SYNE1: variants seen among roughly 807,000 people sequenced by gnomAD.
SYNE1 encodes the protein nesprin-1.
Under a neutral mutation model 1,111.0 loss-of-function variants are expected in SYNE1, and 616 were observed. The observed-to-expected ratio is 0.55, with a 90% confidence interval of 0.52 to 0.59. The LOEUF (loss-of-function observed/expected upper bound fraction) is 0.59, where lower values mean the gene tolerates loss of function less well. Among genes scored for constraint, SYNE1 ranks in the 20% least tolerant of loss-of-function variants. The pLI is 0.00. For synonymous variants in SYNE1, 3,855 were observed against 3,825.8 expected (o/e 1.01, Z -0.28); for missense variants, 10,006 against 10,417.0 (o/e 0.96, Z 1.72).
rs201610447 is a variant in SYNE1 at position 152,206,376 on chromosome 6, T to C, written c.22825-14A>G. On this transcript the variant is annotated splice_polypyrimidine_tract_variant and intron_variant, in intron 125 of 145. Transcript: ENST00000367255. Reference sequence around the variant, plus strand: ...TTTTTCTTTGAACTGAAAGGAACCATAGCTTTTTATTTTCTCATTCTTTCT... The same window carrying C: ...TTTTTCTTTGAACTGAAAGGAACCACAGCTTTTTATTTTCTCATTCTTTCT... 32 of 1,613,088 alleles carry C rather than the reference T, an allele frequency of 2.0e-5. No homozygotes were observed. Among genetic ancestry groups the C allele is most frequent in the Non-Finnish European group, 2.5e-5 (29 of 1,179,794 alleles).
intron 42 of SYNE1, chr6:152,410,254 G>A (rs1397175018): frequency 6.5e-6 from 1 of 153,518 alleles, no homozygotes; most frequent in Non-Finnish European, 1.4e-5. Context: ...GAAGATAGCT[G>A]TTGTTTATAA....
At chr6:152,603,847 A>G (rs2099602453) in intron 3 of SYNE1, among the ~76,000 whole-genome samples, 1 of 94,516 alleles carries the variant, frequency 1.1e-5, no homozygotes, top group South Asian at 3.1e-4. Flanking sequence ...CTATCTATAC[A>G]TATATGTATA....
intron 101 of SYNE1, among the ~76,000 whole-genome samples, chr6:152,260,145 A>AAGCACAGAATCTAGAAATAT (rs2091747829): frequency 6.6e-6 from 1 of 152,224 alleles, no homozygotes; most frequent in South Asian, 2.1e-4. Context: ...AATAATACGC[A>AAGCACAGAATCTAGAAATAT]AGCACAGAAT....
At chr6:152,183,896 T>C (rs1176351856) in intron 128 of SYNE1, among the ~76,000 whole-genome samples, 1 of 152,168 alleles carries the variant, frequency 6.6e-6, no homozygotes, top group Admixed American at 6.5e-5. Context: ...GGTGCAAATA[T>C]GATTAAATAT....
At chr6:152,567,422 T>C (rs2099417573) in intron 3 of SYNE1, among the ~76,000 whole-genome samples, 1 of 152,218 alleles carries the variant, frequency 6.6e-6, no homozygotes, top group Admixed American at 6.5e-5. Flanking sequence ...AGTGCTTACA[T>C]GTTTCTTTAA....
intron 5 of SYNE1, 70 bp from the exon 6 acceptor site, chr6:152,520,612 T>C: frequency 6.7e-7 from 1 of 1,493,010 alleles, no homozygotes; most frequent in Non-Finnish European, 9.3e-7. Context: ...ATAAGATCTA[T>C]TTAAATGGAT....
At chr6:152,631,471 G>A (rs983747690) in intron 2 of SYNE1, among the ~76,000 whole-genome samples, 2 of 152,172 alleles carry the variant, frequency 1.3e-5, no homozygotes, top group Non-Finnish European at 2.9e-5. Context: ...CAGGCAACAG[G>A]AAGCCACTGA....
chr6:152,540,801 C>T (rs1298284203), intron 3 of SYNE1, among the ~76,000 whole-genome samples: 1 of 152,240 alleles, frequency 6.6e-6, no homozygotes, highest in Non-Finnish European at 1.5e-5. Context: ...AGGCTCCCTT[C>T]AGGAGTGAAG....
Position 152,206,904 on chromosome 6 carries a change from C to T in SYNE1, c.22825-542G>A, listed in dbSNP as rs77376156. Among the ~76,000 whole-genome samples, 48 of 152,138 alleles carry T rather than the reference C, an allele frequency of 3.2e-4. 1 individual carries two copies. The East Asian group carries it at 7.1e-3, about 23-fold the overall frequency. On this transcript the variant is annotated intron_variant, in intron 125 of 145. Coordinates refer to ENST00000367255, the MANE Select transcript of SYNE1 (RefSeq NM_182961.4). ...GAGAGTGGTAGGAGATGAGGCCAGA[C>T]GACATCTTGCAGAAATTTGGTTTTT...
intron 5 of SYNE1, among the ~76,000 whole-genome samples, chr6:152,522,484 A>G (rs1352557026): frequency 6.6e-6 from 1 of 152,112 alleles, no homozygotes; most frequent in Non-Finnish European, 1.5e-5. Context: ...GGTTGGGTCC[A>G]TATCTTTGCA....
chr6:152,634,903 C>T (rs982826628), intron 2 of SYNE1, among the ~76,000 whole-genome samples: 6 of 152,234 alleles, frequency 3.9e-5, no homozygotes, highest in African/African-American at 1.4e-4. Context: ...CAGAGGACCT[C>T]GCAGAGGCGT....
Position 152,256,788 on chromosome 6 carries a change from T to G in SYNE1, c.18973-23A>C, listed in dbSNP as rs372423655. The G allele has an allele frequency of 4.3e-6, 7 of 1,612,522 alleles. No homozygotes were observed. The Admixed American group carries it at 1.2e-4, about 27-fold the overall frequency. On this transcript the variant is annotated intron_variant, in intron 101 of 145. Coordinates refer to ENST00000367255, the MANE Select transcript of SYNE1 (RefSeq NM_182961.4). ...AAGCTGTAGGCAAACAAAGGCAGCT[T>G]GTTGAAGAGCATATGCATTATGTCC...
chr6:152,574,983 A>G (rs1445887145), intron 3 of SYNE1, among the ~76,000 whole-genome samples: 1 of 152,194 alleles, frequency 6.6e-6, no homozygotes, highest in Non-Finnish European at 1.5e-5. Context: ...TTATTTTAAG[A>G]GAATAACCAT....
chr6:152,337,202 T>A (rs1256738954), intron 75 of SYNE1, among the ~76,000 whole-genome samples, 185 bp from the exon 76 acceptor site: 2 of 151,244 alleles, frequency 1.3e-5, no homozygotes, highest in Non-Finnish European at 3.0e-5. Context: ...AAAAGCAGAT[T>A]TTTTTTAAAA....
At chr6:152,298,043 T>G (rs889393067) in intron 93 of SYNE1, among the ~76,000 whole-genome samples, 2 of 152,234 alleles carry the variant, frequency 1.3e-5, no homozygotes, top group Non-Finnish European at 2.9e-5. Flanking sequence ...TCATTGCTTA[T>G]GTGCCTAAGT....
At chr6:152,550,703 C>A (rs949584226) in intron 3 of SYNE1, among the ~76,000 whole-genome samples, 1 of 151,806 alleles carries the variant, frequency 6.6e-6, no homozygotes, top group Non-Finnish European at 1.5e-5. Context: ...TTCATTATTC[C>A]ACTTAATGTG....
At chr6:152,606,903 C>G (rs2099616509) in intron 3 of SYNE1, among the ~76,000 whole-genome samples, 2 of 151,592 alleles carry the variant, frequency 1.3e-5, no homozygotes, top group Admixed American at 1.3e-4. Flanking sequence ...ATCCACCTGC[C>G]TTGGCCTCCC....
At position 152,234,874 on chromosome 6, in the gene SYNE1, A is replaced by G. The variant is rs1038499676; in HGVS notation, c.20397-74T>C. The stretch of plus-strand genomic sequence containing the variant: ...TTCTACTCACCTACGTTACTCACCA[A>G]TGCCAACAGTTTTAAAACGAGAGGT... On this transcript the variant is annotated intron_variant, in intron 110 of 145. Coordinates refer to ENST00000367255, the MANE Select transcript of SYNE1 (RefSeq NM_182961.4). 6.5e-6 allele frequency: 10 copies of G among 1,534,638 alleles called. No homozygotes were observed. The African/African-American group carries it at 1.1e-4, about 17-fold the overall frequency.
intron 52 of SYNE1, 90 bp downstream of exon 52, chr6:152,391,187 A>G (rs896071733): frequency 1.0e-5 from 16 of 1,587,218 alleles, no homozygotes; most frequent in African/African-American, 1.3e-5. Flanking sequence ...TTAGAGGCTT[A>G]CAGAACAATT....
Sources: allele counts gnomAD v4.1 joint callset (sites outside exome capture counted in the v4.1 genomes callset), GRCh38; gene constraint gnomAD v4.1.1; transcripts MANE v1.5; gene names NCBI Gene and HGNC (gene_info 2026-07-23, HGNC 2026-07-21).